SYT1: variants seen among roughly 807,000 people sequenced by gnomAD.
SYT1 encodes the protein synaptotagmin 1, also known as synaptotagmin-1.
A neutral mutation model predicts 44.8 loss-of-function variants in SYT1; 8 were observed. The observed-to-expected ratio is 0.18, with a 90% CI of 0.10 to 0.32. The LOEUF is 0.32. SYT1 is among the 10% of genes least tolerant of loss of function. The pLI, the probability that SYT1 is intolerant of heterozygous loss-of-function variation, is 1.00. For synonymous variants in SYT1, 154 were observed against 188.8 expected (o/e 0.82, Z 1.51); for missense variants, 286 against 509.3 (o/e 0.56, Z 4.22).
rs1378137708 is a variant in SYT1, at chr12:79,450,340, C to G, written c.*1216C>G. ...AGTTCTGAATGCACTTCAATTAAGC[C>G]AAAACAGACAGCTAGTGATCTTTTT... On this transcript the variant is annotated 3_prime_UTR_variant, in exon 11 of 11. Transcript: ENST00000261205. 6.6e-6 allele frequency: 1 copy of G among 152,420 alleles called. No individual in the cohort carries two copies. Among genetic ancestry groups the G allele is most frequent in the African/African-American group, 2.4e-5 (1 of 41,356 alleles). The allele number at this position is 152,420 out of a possible 1,614,324, so 9.4% of individuals were successfully genotyped here.
At chr12:79,375,381 T>G (rs1467932945) in intron 9 of SYT1, among the ~76,000 whole-genome samples, 1 of 152,138 alleles carries the variant, frequency 6.6e-6, no homozygotes, top group Non-Finnish European at 1.5e-5. Flanking sequence ...ACAGATCGTG[T>G]AGTGTAGAGG....
At chr12:79,421,086 C>G (rs1869082594) in intron 9 of SYT1, among the ~76,000 whole-genome samples, 1 of 152,050 alleles carries the variant, frequency 6.6e-6, no homozygotes, top group Non-Finnish European at 1.5e-5. Context: ...ATTGTTAGTA[C>G]TTTCAAAGTA....
Position 78,923,065 on chromosome 12 carries a change from C to A in SYT1, c.-216-54734C>A, listed in dbSNP as rs550434480. On this transcript the variant is annotated intron_variant, in intron 1 of 10. Coordinates refer to ENST00000261205, the MANE Select transcript of SYT1 (RefSeq NM_005639.3). ...CACGATTGTGGTTGAATGTAAGGAG[C>A]ACCCCTTTTAATTGCATTACAGTAT... Among the ~76,000 whole-genome samples the A allele has an allele frequency of 9.2e-5, 14 of 152,044 alleles. No homozygotes were observed. In the East Asian group the frequency reaches 2.7e-3, roughly 29 times the overall value.
chr12:79,097,734 G>C lies in SYT1; in HGVS notation c.-18+50372G>C, dbSNP rs549166057. ...TATTTGTCTTCTCCTCCAAGGAATA[G>C]TAGTAAAACTATAACAACTGTACAT... On this transcript the variant is annotated intron_variant, in intron 3 of 10. Coordinates refer to ENST00000261205, the MANE Select transcript of SYT1 (RefSeq NM_005639.3). 4.6e-5 allele frequency among the ~76,000 whole-genome samples: 7 copies of C among 152,114 alleles called. No homozygotes were observed. In the South Asian group the frequency reaches 1.0e-3, roughly 23 times the overall value.
At chr12:79,025,484 A>T (rs1296813290) in intron 2 of SYT1, among the ~76,000 whole-genome samples, 5 of 151,590 alleles carry the variant, frequency 3.3e-5, no homozygotes, top group South Asian at 4.1e-4. Context: ...TGCTTTGGGG[A>T]TATTATTTCT....
intron 3 of SYT1, among the ~76,000 whole-genome samples, chr12:79,215,297 C>T (rs1024027644): frequency 1.3e-5 from 2 of 151,992 alleles, no homozygotes; most frequent in African/African-American, 4.8e-5. Flanking sequence ...CTGGAACAAA[C>T]TAATATGCCA....
At chr12:79,339,010 A>C (rs2139039686) in intron 8 of SYT1, among the ~76,000 whole-genome samples, 2 of 152,112 alleles carry the variant, frequency 1.3e-5, no homozygotes, top group South Asian at 4.1e-4. Context: ...ATCCTTTTTT[A>C]TGGCTGCGTA....
At chr12:79,218,786 C>T (rs748471487) in intron 4 of SYT1, among the ~76,000 whole-genome samples, 1 of 152,146 alleles carries the variant, frequency 6.6e-6, no homozygotes, top group Non-Finnish European at 1.5e-5. Flanking sequence ...TGGGTTGATT[C>T]CATGTCTTGG....
intron 1 of SYT1, chr12:78,960,703 G>A (rs1879456500): frequency 6.6e-6 from 1 of 152,108 alleles, no homozygotes; most frequent in Non-Finnish European, 1.5e-5. Context: ...GATGGCTTCT[G>A]GGAGATGTCA....
chr12:79,001,077 A>G (rs1239307669), intron 2 of SYT1, among the ~76,000 whole-genome samples: 3 of 152,122 alleles, frequency 2.0e-5, no homozygotes, highest in Non-Finnish European at 2.9e-5. Context: ...ACCTTAATTC[A>G]TATACTATTC....
intron 3 of SYT1, among the ~76,000 whole-genome samples, chr12:79,050,875 G>A (rs1874426361): frequency 6.6e-6 from 1 of 151,930 alleles, no homozygotes; most frequent in Admixed American, 6.6e-5. Context: ...CAATAAAAAA[G>A]CATAAGCCTG....
intron 9 of SYT1, among the ~76,000 whole-genome samples, chr12:79,363,638 G>A (rs965655790): frequency 2.6e-5 from 4 of 151,732 alleles, no homozygotes; most frequent in Admixed American, 1.3e-4. Flanking sequence ...GGGAAGCTGA[G>A]GTGAGAAGAT....
chr12:79,083,169 A>G (rs1877151848), intron 3 of SYT1, among the ~76,000 whole-genome samples: 1 of 152,300 alleles, frequency 6.6e-6, no homozygotes, highest in Admixed American at 6.5e-5. Flanking sequence ...CAATAAATAT[A>G]TCAAACGTTA....
At chr12:78,939,059 A>G (rs1878216248) in intron 1 of SYT1, among the ~76,000 whole-genome samples, 1 of 152,222 alleles carries the variant, frequency 6.6e-6, no homozygotes, top group Non-Finnish European at 1.5e-5. Flanking sequence ...TACTGTGTGC[A>G]TCTGAAGAGC....
At chr12:79,443,997 TTC>T in intron 9 of SYT1, 74 bp from the exon 10 acceptor site, 1 of 1,506,004 alleles carries the variant, frequency 6.6e-7, no homozygotes. Context: ...TGGGAAATAG[TTC>T]TTTTATAAGC....
intron 9 of SYT1, among the ~76,000 whole-genome samples, chr12:79,388,955 G>C (rs1884548419): frequency 6.6e-6 from 1 of 152,144 alleles, no homozygotes; most frequent in Non-Finnish European, 1.5e-5. Context: ...CAACTCCAAA[G>C]TAACCCATCT....
At chr12:79,405,705 A>C (rs1057193706) in intron 9 of SYT1, among the ~76,000 whole-genome samples, 4 of 152,144 alleles carry the variant, frequency 2.6e-5, no homozygotes, top group Non-Finnish European at 4.4e-5. Flanking sequence ...TCACATAACA[A>C]GAAGTCAGAA....
intron 9 of SYT1, among the ~76,000 whole-genome samples, chr12:79,380,584 C>T (rs1287576118): frequency 1.3e-5 from 2 of 152,116 alleles, no homozygotes; most frequent in African/African-American, 4.8e-5. Flanking sequence ...ATGGGGGTCT[C>T]ACTATATTGC....
intron 1 of SYT1, among the ~76,000 whole-genome samples, chr12:78,945,451 A>C (rs1363045672): frequency 6.8e-6 from 1 of 146,066 alleles, no homozygotes; most frequent in African/African-American, 2.6e-5. Context: ...CATATTTTAC[A>C]TTTATATTAT....
Sources: gnomAD v4.1 joint callset for allele counts (sites outside exome capture counted in the v4.1 genomes callset) on GRCh38, gnomAD v4.1.1 for gene constraint, MANE v1.5 for transcripts, NCBI Gene and HGNC (gene_info 2026-07-23, HGNC 2026-07-21) for gene names.